THSD7B: variants seen among roughly 807,000 people sequenced by gnomAD.
THSD7B encodes thrombospondin type 1 domain containing 7B, also known as thrombospondin type-1 domain-containing protein 7B.
THSD7B carries 138 observed loss-of-function variants against 213.6 expected under a neutral mutation model. The ratio of observed to expected loss-of-function variants is 0.65; its 90% CI spans 0.56 to 0.74. The LOEUF is 0.74. THSD7B is among the 30% of genes least tolerant of loss of function. THSD7B has a pLI of 0.00. For missense variants in THSD7B, 1,931 were observed against 1,991.5 expected (o/e 0.97, Z 0.58); for synonymous variants, 742 against 687.0 (o/e 1.08, Z -1.25).
intron 13 of THSD7B, among the ~76,000 whole-genome samples, chr2:137,409,304 C>T (rs1275229788): frequency 6.6e-6 from 1 of 152,208 alleles, no homozygotes; most frequent in Non-Finnish European, 1.5e-5. Flanking sequence ...ATATGGGTGA[C>T]ACCCATTGGA....
At chr2:136,956,108 A>G (rs145088828) in intron 2 of THSD7B, among the ~76,000 whole-genome samples, 66 of 152,308 alleles carry the variant, frequency 4.3e-4, no homozygotes, top group African/African-American at 1.5e-3. Context: ...CTCAGGCAGT[A>G]GAAATTTAAT....
intron 15 of THSD7B, among the ~76,000 whole-genome samples, chr2:137,551,333 G>C (rs879021347): frequency 6.6e-6 from 1 of 152,108 alleles, no homozygotes; most frequent in Admixed American, 6.6e-5. Context: ...CCTAAGGGGA[G>C]AAAAGCTCAT....
chr2:137,079,362 C>T (rs1687696158), intron 3 of THSD7B, among the ~76,000 whole-genome samples: 1 of 151,744 alleles, frequency 6.6e-6, no homozygotes, highest in South Asian at 2.1e-4. Flanking sequence ...TTCTATTTTT[C>T]CAGCATCTTC....
At chr2:137,513,293 A>G (rs1478330642) in intron 15 of THSD7B, among the ~76,000 whole-genome samples, 1 of 152,242 alleles carries the variant, frequency 6.6e-6, no homozygotes. Flanking sequence ...TTTTACTGCG[A>G]CACATATCTG....
intron 21 of THSD7B, among the ~76,000 whole-genome samples, chr2:137,654,500 A>G (rs1427831705): frequency 6.6e-6 from 1 of 152,166 alleles, no homozygotes; most frequent in East Asian, 1.9e-4. Flanking sequence ...AGGATACTGA[A>G]GATGGTGGGG....
intron 5 of THSD7B, among the ~76,000 whole-genome samples, chr2:137,147,884 T>C (rs75097207): frequency 0.01 from 1,574 of 152,262 alleles, 23 homozygotes; most frequent in African/African-American, 0.035. Context: ...TAAACATCCT[T>C]CTCCCTTCAA....
chr2:137,463,137 T>C (rs1378678567), intron 15 of THSD7B, among the ~76,000 whole-genome samples: 1 of 152,120 alleles, frequency 6.6e-6, no homozygotes, highest in African/African-American at 2.4e-5. Flanking sequence ...CTACATTGGA[T>C]TTAAAATCAT....
At chr2:137,120,949 A>T (rs1209708647) in intron 5 of THSD7B, among the ~76,000 whole-genome samples, 1 of 152,190 alleles carries the variant, frequency 6.6e-6, no homozygotes, top group East Asian at 1.9e-4. Flanking sequence ...TATTCTCTCT[A>T]AAAATATAAT....
chr2:137,647,328 T>C (rs878971769), intron 21 of THSD7B, among the ~76,000 whole-genome samples: 2 of 152,034 alleles, frequency 1.3e-5, no homozygotes, highest in Admixed American at 1.3e-4. Context: ...TAATGGATTG[T>C]AGCATGTAGC....
At chr2:137,525,751 G>T (rs541568662) in intron 15 of THSD7B, among the ~76,000 whole-genome samples, 102 of 152,278 alleles carry the variant, frequency 6.7e-4, no homozygotes, top group African/African-American at 2.4e-3. Flanking sequence ...GGAGATCAAA[G>T]AGCTGCTGGT....
chr2:137,003,553 C>T (rs564047248), intron 2 of THSD7B, among the ~76,000 whole-genome samples: 2 of 152,286 alleles, frequency 1.3e-5, no homozygotes, highest in East Asian at 1.9e-4. Flanking sequence ...TTACATTTCA[C>T]GTAATGATCC....
chr2:137,060,162 T>C (rs922067772), intron 3 of THSD7B, among the ~76,000 whole-genome samples: 2 of 152,168 alleles, frequency 1.3e-5, no homozygotes, highest in African/African-American at 4.8e-5. Flanking sequence ...TCTGTATATA[T>C]TATTTGATAA....
chr2:137,525,020 G>T (rs1211916999), intron 15 of THSD7B, among the ~76,000 whole-genome samples: 2 of 152,122 alleles, frequency 1.3e-5, no homozygotes, highest in Non-Finnish European at 2.9e-5. Flanking sequence ...GTCGTTGTTG[G>T]TGTGCCTTTT....
chr2:137,115,112 C>T lies in THSD7B; in HGVS notation c.1200-12C>T, dbSNP rs957470880. On this transcript the variant is annotated splice_polypyrimidine_tract_variant and intron_variant, in intron 4 of 27. Transcript: ENST00000409968. ...CTTCTTCTTCTTCTTTTAAATAAAC[C>T]AAACCAAACAGGTATTCCTGGAGAA... The T allele has an allele frequency of 1.2e-6, 2 of 1,613,794 alleles. No homozygotes were observed. The highest frequency in any genetic ancestry group is 2.7e-5 in the African/African-American group (2 of 74,996).
chr2:136,958,455 C>T (rs1685162679), intron 2 of THSD7B, among the ~76,000 whole-genome samples: 1 of 152,078 alleles, frequency 6.6e-6, no homozygotes, highest in South Asian at 2.1e-4. Flanking sequence ...GATATAAAAC[C>T]CCCAACTTGG....
intron 15 of THSD7B, among the ~76,000 whole-genome samples, chr2:137,526,875 A>G (rs1680290194): frequency 6.6e-6 from 1 of 152,142 alleles, no homozygotes. Context: ...AAGAATGAGC[A>G]GGTTGAAAAT....
intron 2 of THSD7B, among the ~76,000 whole-genome samples, chr2:136,889,709 G>A (rs536519044): frequency 2.1e-4 from 32 of 152,222 alleles, no homozygotes; most frequent in Non-Finnish European, 3.2e-4. Flanking sequence ...TTTATTCAAA[G>A]ATTCAAGCGC....
intron 5 of THSD7B, among the ~76,000 whole-genome samples, chr2:137,126,855 T>A (rs188522842): frequency 9.1e-4 from 138 of 152,240 alleles, no homozygotes; most frequent in Non-Finnish European, 9.7e-4. Context: ...GGTTATTAAT[T>A]GGCCTAATTT....
chr2:137,642,390 T>TA, intron 20 of THSD7B, 98 bp from the exon 21 acceptor site: 1 of 1,423,358 alleles, frequency 7.0e-7, no homozygotes, highest in Non-Finnish European at 9.5e-7. Context: ...TTCAGTCTAT[T>TA]AAAATGAAGA....
Sources: gnomAD v4.1 joint callset for allele counts (sites outside exome capture counted in the v4.1 genomes callset) on GRCh38, gnomAD v4.1.1 for gene constraint, MANE v1.5 for transcripts, NCBI Gene and HGNC (gene_info 2026-07-23, HGNC 2026-07-21) for gene names.